The following PHF3 variants were observed in gnomAD, a reference collection of about 807,000 sequenced individuals.
PHF3 encodes the protein PHD finger protein 3.
PHF3 carries 41 observed loss-of-function variants against 178.4 expected under a neutral mutation model. The ratio of observed to expected loss-of-function variants is 0.23; its 90% CI spans 0.18 to 0.30. PHF3 has a LOEUF of 0.30. PHF3 is among the 10% of genes least tolerant of loss of function. The pLI is 1.00. For synonymous variants in PHF3, 842 were observed against 800.5 expected (o/e 1.05, Z -0.88); for missense variants, 2,346 against 2,398.1 (o/e 0.98, Z 0.45).
intron 2 of PHF3, among the ~76,000 whole-genome samples, chr6:63,669,313 T>A (rs959774713): frequency 1.3e-5 from 2 of 152,240 alleles, no homozygotes; most frequent in Non-Finnish European, 2.9e-5. Flanking sequence ...AACCAGTGAT[T>A]GTATTATTAC....
chr6:63,665,486 G>GTTTTTTTTTTTTTT (rs11427203), intron 2 of PHF3, among the ~76,000 whole-genome samples: 41 of 111,204 alleles, frequency 3.7e-4, no homozygotes, highest in African/African-American at 8.5e-4. Flanking sequence ...GTTTTTTTTT[G>GTTTTTTTTTTTTTT]TTTTTTTTTT....
In PHF3 at chr6:63,684,431, A is replaced by G; in HGVS notation, c.709A>G (p.Lys237Glu). 3 of 1,614,040 alleles carry G rather than the reference A, an allele frequency of 1.9e-6. No homozygotes were observed. Among genetic ancestry groups the G allele is most frequent in the Non-Finnish European group, 2.5e-6 (3 of 1,179,892 alleles). The change falls in exon 4 of 16, where the codon AAG becomes GAG. Residue 237 changes from lysine to glutamate, a missense_variant. Coordinates refer to ENST00000262043, the MANE Select transcript of PHF3 (RefSeq NM_001370348.2). ...EMKDEDGLDS[K>E]HKCNNPGEID... ...GAAGGATGAAGATGGATTAGATTCT[A>G]AGCATAAGTGTAATAATCCGGGAGA...
chr6:63,663,027 A>G (rs1765535346), intron 2 of PHF3, among the ~76,000 whole-genome samples: 1 of 152,240 alleles, frequency 6.6e-6, no homozygotes, highest in Non-Finnish European at 1.5e-5. Context: ...GAATAAAAAA[A>G]TAATTTTGAT....
At chr6:63,678,649 G>T (rs1766291041) in intron 2 of PHF3, among the ~76,000 whole-genome samples, 1 of 151,702 alleles carries the variant, frequency 6.6e-6, no homozygotes, top group Non-Finnish European at 1.5e-5. Context: ...TTCTAACAAG[G>T]ATCACACTGT....
intron 1 of PHF3, among the ~76,000 whole-genome samples, chr6:63,642,505 T>G (rs781635879): frequency 5.3e-5 from 8 of 152,254 alleles, no homozygotes; most frequent in Non-Finnish European, 1.0e-4. Flanking sequence ...TTTTGAATTA[T>G]GCAGATTATT....
In PHF3 at chr6:63,702,487, TA is replaced by T. The variant is rs747340279; in HGVS notation, c.3100-15del. ...ATACATATTTTAAATTTAATATTTT[TA>T]AAAAAGTATTTTCTGTTAGACCATA... is the stretch of plus-strand genomic sequence containing the variant. On this transcript the variant is annotated intron_variant, in intron 9 of 15. Coordinates refer to ENST00000262043, the MANE Select transcript of PHF3 (RefSeq NM_001370348.2). 7.9e-6 allele frequency: 12 copies of T among 1,511,394 alleles called. No homozygotes were observed. The highest frequency in any genetic ancestry group is 1.8e-4 in the Middle Eastern group (1 of 5,640). The allele number at this position is 1,511,394 out of a possible 1,614,324, so 93.6% of individuals were successfully genotyped here. A position where few individuals can be genotyped will look rare whatever the true frequency, so the allele number is the denominator to read the frequency against.
At chr6:63,674,006 C>T (rs549494180) in intron 2 of PHF3, among the ~76,000 whole-genome samples, 51 of 152,180 alleles carry the variant, frequency 3.4e-4, no homozygotes, top group Admixed American at 5.9e-4. Flanking sequence ...CAGCCGAATT[C>T]GTTGCTCTTT....
At chr6:63,668,530 T>C (rs1466548470) in intron 2 of PHF3, among the ~76,000 whole-genome samples, 2 of 152,078 alleles carry the variant, frequency 1.3e-5, no homozygotes, top group Non-Finnish European at 2.9e-5. Context: ...TTTGTATAGA[T>C]GGGGTCTCTC....
At chr6:63,696,713 C>G (rs1255148251) in intron 6 of PHF3, among the ~76,000 whole-genome samples, 2 of 152,152 alleles carry the variant, frequency 1.3e-5, no homozygotes, top group Non-Finnish European at 2.9e-5. Context: ...GACTGGTGGC[C>G]TGGAAGCCAG....
chr6:63,650,892 T>C (rs1764990889), intron 2 of PHF3, among the ~76,000 whole-genome samples: 1 of 151,424 alleles, frequency 6.6e-6, no homozygotes, highest in Non-Finnish European at 1.5e-5. Flanking sequence ...TTTTCAGATA[T>C]TTATTACTCC....
chr6:63,720,978 A>C lies in PHF3; in HGVS notation c.*7270A>C. On this transcript the variant is annotated 3_prime_UTR_variant, in exon 16 of 16. Transcript: ENST00000262043. ...TTCTCCCAAGTTAACTGCTATTTTC[A>C]AGGTCTGATTATGGAGACCAATTGC... The C allele has an allele frequency of 6.4e-7, 1 of 1,551,392 alleles. No homozygotes were observed. Among genetic ancestry groups the C allele is most frequent in the Non-Finnish European group, 8.7e-7 (1 of 1,146,798 alleles).
At position 63,694,648 on chromosome 6, in the gene PHF3, C is replaced by T; in HGVS notation, c.2564C>T (p.Pro855Leu). 1 of 1,589,938 alleles carries T rather than the reference C, an allele frequency of 6.3e-7. No homozygotes were observed. The highest frequency in any genetic ancestry group is 8.6e-7 in the Non-Finnish European group (1 of 1,166,918). ...DNEIKKWQLAPLRKMGQPVLP... is the reference protein window; with the variant it reads ...DNEIKKWQLALLRKMGQPVLP... ...GAAATTAAAAAATGGCAGCTAGCTC[C>T]TCTTCGTAAGATGGGACAACCAGTT... Residue 855 changes from proline to leucine, a missense_variant, in exon 6 of 16, where the codon CCT becomes CTT. This residue lies in a region of PHF3 where 252 missense variants were observed against 232.0 expected (regional missense o/e 1.09). Coordinates refer to ENST00000262043, the MANE Select transcript of PHF3 (RefSeq NM_001370348.2).
At position 63,718,721 on chromosome 6, in the gene PHF3, G is replaced by C. The variant is rs1768264858; in HGVS notation, c.*5013G>C. Among the ~76,000 whole-genome samples the C allele has an allele frequency of 6.6e-6, 1 of 151,958 alleles. No homozygotes were observed. On this transcript the variant is annotated 3_prime_UTR_variant, in exon 16 of 16. Transcript: ENST00000262043. ...CGCAGGGGTTCTTGGACCATAGTTT[G>C]GGAAGTGCTATTTTAAAGAAAAGGC...
At chr6:63,701,071 G>C (rs1258476917) in intron 9 of PHF3, among the ~76,000 whole-genome samples, 2 of 152,160 alleles carry the variant, frequency 1.3e-5, no homozygotes, top group Non-Finnish European at 2.9e-5. Context: ...TTTTTCAGCA[G>C]CACAGTTTGA....
chr6:63,645,346 A>G, intron 1 of PHF3, among the ~76,000 whole-genome samples: 1 of 152,108 alleles, frequency 6.6e-6, no homozygotes, highest in Non-Finnish European at 1.5e-5. Context: ...ATTCAAGTGC[A>G]TTTTTTTAAA....
chr6:63,659,699 C>T (rs1765387150), intron 2 of PHF3, among the ~76,000 whole-genome samples: 1 of 152,082 alleles, frequency 6.6e-6, no homozygotes, highest in Admixed American at 6.6e-5. Context: ...TTCAGCAAGC[C>T]AGCCTAATCT....
chr6:63,655,222 C>T (rs1431061391), intron 2 of PHF3, among the ~76,000 whole-genome samples: 1 of 152,076 alleles, frequency 6.6e-6, no homozygotes, highest in African/African-American at 2.4e-5. Flanking sequence ...CACCACCATG[C>T]CCGCCACCAT....
chr6:63,657,179 C>T (rs1765270096), intron 2 of PHF3, among the ~76,000 whole-genome samples: 1 of 152,140 alleles, frequency 6.6e-6, no homozygotes, highest in Non-Finnish European at 1.5e-5. Context: ...GCCATATTTT[C>T]CACCTCTTTG....
rs763796156 is a variant in PHF3, at chr6:63,685,624, C to G, written c.1902C>G (p.Ala634=). 2 of 1,613,846 alleles carry G rather than the reference C, an allele frequency of 1.2e-6. No individual in the cohort carries two copies. The highest frequency in any genetic ancestry group is 2.2e-5 in the South Asian group (2 of 91,074). Residue 634 remains alanine (A), a synonymous_variant, in exon 4 of 16, where the codon GCC becomes GCG. Coordinates refer to ENST00000262043, the MANE Select transcript of PHF3 (RefSeq NM_001370348.2). ...QKQCHKPQQQ[A]PAMKTNSHVK... is the part of the protein sequence containing the mutation. ...AGTGTCATAAGCCTCAGCAACAGGCCCCAGCAATGAAAACCAATAGTCACG... is the reference window on the plus strand; with the variant it reads ...AGTGTCATAAGCCTCAGCAACAGGCGCCAGCAATGAAAACCAATAGTCACG...
Sources: gnomAD v4.1 joint callset for allele counts (sites outside exome capture counted in the v4.1 genomes callset) on GRCh38, gnomAD v4.1.1 for gene constraint, gnomAD v4.1.1 regional missense constraint, MANE v1.5 for transcripts, NCBI Gene and HGNC (gene_info 2026-07-23, HGNC 2026-07-21) for gene names.